Variants in MCTP1 observed in about 807,000 individuals in gnomAD.
MCTP1 encodes multiple C2 and transmembrane domain containing 1, also known as multiple C2 and transmembrane domain-containing protein 1.
MCTP1 carries 69 observed loss-of-function variants against 120.6 expected under a neutral mutation model. The observed-to-expected ratio is 0.57, with a 90% CI of 0.47 to 0.70. The LOEUF (loss-of-function observed/expected upper bound fraction) is 0.70. MCTP1 is among the 30% of genes least tolerant of loss of function. The probability of loss-of-function intolerance (pLI) is 0.00; values close to 1 mark genes in which losing one functional copy is unlikely to be tolerated. For synonymous variants in MCTP1, 529 were observed against 493.1 expected, an observed-to-expected ratio of 1.07 and a Z score of -0.96; for missense variants, 1,203 against 1,248.8, an observed-to-expected ratio of 0.96 and a Z score of 0.55.
At chr5:95,257,442 T>C (rs941199357) in intron 1 of MCTP1, among the ~76,000 whole-genome samples, 4 of 152,186 alleles carry the variant, frequency 2.6e-5, no homozygotes, top group African/African-American at 7.2e-5. Context: ...AAAACTATTT[T>C]TAAAAAATCC....
Position 95,112,956 on chromosome 5 carries a change from G to A in MCTP1, c.721-95472C>T, listed in dbSNP as rs915513109. 2.6e-5 allele frequency among the ~76,000 whole-genome samples: 4 copies of A among 152,144 alleles called. No homozygotes were observed. In the East Asian group the frequency reaches 5.8e-4, roughly 22 times the overall value. On this transcript the variant is annotated intron_variant, in intron 1 of 22. Coordinates refer to ENST00000515393, the MANE Select transcript of MCTP1 (RefSeq NM_024717.7). ...CTTTTAAAAGTATAAAGCATATTCCGACTTTTAGTAATTTACATTGACTAT... is the reference window on the plus strand; with the variant it reads ...CTTTTAAAAGTATAAAGCATATTCCAACTTTTAGTAATTTACATTGACTAT...
chr5:95,095,146 C>T (rs1288613640), intron 1 of MCTP1, among the ~76,000 whole-genome samples: 1 of 149,302 alleles, frequency 6.7e-6, no homozygotes, highest in African/African-American at 2.5e-5. Flanking sequence ...GCCTCAGCCT[C>T]CCGAGTAGCT....
intron 1 of MCTP1, among the ~76,000 whole-genome samples, chr5:95,127,799 G>T (rs1188141528): frequency 1.3e-5 from 2 of 152,164 alleles, no homozygotes; most frequent in African/African-American, 4.8e-5. Flanking sequence ...AAATAACCCA[G>T]ACTGGGCCTA....
chr5:94,867,218 T>G, intron 17 of MCTP1: 1 of 1,403,124 alleles, frequency 7.1e-7, no homozygotes, highest in Non-Finnish European at 9.3e-7. Flanking sequence ...GAGAGAGAGA[T>G]TTTTTTTCTA....
At chr5:95,036,068 T>C (rs1235734828) in intron 1 of MCTP1, among the ~76,000 whole-genome samples, 1 of 152,062 alleles carries the variant, frequency 6.6e-6, no homozygotes, top group Admixed American at 6.6e-5. Context: ...ACATACTGTT[T>C]CTCCCCAAAG....
intron 19 of MCTP1, among the ~76,000 whole-genome samples, chr5:94,719,419 C>T (rs1251842688): frequency 6.6e-6 from 1 of 152,132 alleles, no homozygotes; most frequent in Non-Finnish European, 1.5e-5. Flanking sequence ...AAATGACCAA[C>T]AATGCATAAG....
intron 1 of MCTP1, among the ~76,000 whole-genome samples, chr5:95,190,286 T>G (rs188869671): frequency 1.3e-5 from 2 of 152,184 alleles, no homozygotes; most frequent in East Asian, 3.9e-4. Context: ...AAGCCAATTC[T>G]TGGAAAGTGC....
chr5:94,966,923 T>C (rs1303021175), intron 2 of MCTP1, among the ~76,000 whole-genome samples: 1 of 152,218 alleles, frequency 6.6e-6, no homozygotes, highest in Non-Finnish European at 1.5e-5. Flanking sequence ...AAAGTGTTGT[T>C]ACAATGATCT....
chr5:94,715,666 C>T (rs1042475459), intron 19 of MCTP1, among the ~76,000 whole-genome samples: 6 of 152,110 alleles, frequency 3.9e-5, no homozygotes, highest in African/African-American at 1.2e-4. Context: ...GAGAAATGTG[C>T]ATATTTTGCA....
intron 1 of MCTP1, among the ~76,000 whole-genome samples, chr5:95,126,072 TG>T (rs921564614): frequency 2.5e-4 from 38 of 152,340 alleles, no homozygotes; most frequent in African/African-American, 8.7e-4. Flanking sequence ...ATTGGTTTTT[TG>T]TTTTGCTTTA....
intron 1 of MCTP1, among the ~76,000 whole-genome samples, chr5:95,168,057 T>C (rs1292968182): frequency 1.3e-5 from 2 of 152,220 alleles, no homozygotes; most frequent in Non-Finnish European, 2.9e-5. Context: ...TAATCCATCT[T>C]GAATTAATTT....
At chr5:95,134,145 T>C (rs1171735145) in intron 1 of MCTP1, among the ~76,000 whole-genome samples, 1 of 152,206 alleles carries the variant, frequency 6.6e-6, no homozygotes, top group Non-Finnish European at 1.5e-5. Context: ...ATAGGTGAGA[T>C]TGGAAACAAT....
intron 1 of MCTP1, among the ~76,000 whole-genome samples, chr5:95,033,513 C>T (rs1840672275): frequency 6.6e-6 from 1 of 151,932 alleles, no homozygotes; most frequent in African/African-American, 2.4e-5. Context: ...AAAAGCACGT[C>T]ATAAAATCCA....
At chr5:95,193,851 T>C (rs1379931596) in intron 1 of MCTP1, among the ~76,000 whole-genome samples, 1 of 152,174 alleles carries the variant, frequency 6.6e-6, no homozygotes, top group Non-Finnish European at 1.5e-5. Context: ...ATGTAATTCC[T>C]ACAAGAACCC....
chr5:94,893,261 T>TA (rs1181102344), intron 11 of MCTP1, among the ~76,000 whole-genome samples: 3 of 152,220 alleles, frequency 2.0e-5, no homozygotes, highest in African/African-American at 7.2e-5. Context: ...TCCCTTAATA[T>TA]ACGGGATAAT....
intron 9 of MCTP1, among the ~76,000 whole-genome samples, chr5:94,909,720 G>T (rs1807941710): frequency 6.6e-6 from 1 of 151,986 alleles, no homozygotes; most frequent in Non-Finnish European, 1.5e-5. Flanking sequence ...CATAATCATA[G>T]TTAATGCATT....
In MCTP1 at chr5:95,005,243, T is replaced by C. The variant is rs147000151; in HGVS notation, c.838+12124A>G. On this transcript the variant is annotated intron_variant, in intron 2 of 22. Coordinates refer to ENST00000515393, the MANE Select transcript of MCTP1 (RefSeq NM_024717.7). ...TTACCCAATGTCTGTAAACTCATTG[T>C]ATCTTGGAAGTAACTAACTTGTTTT... Among the ~76,000 whole-genome samples, 11 of 152,342 alleles carry C rather than the reference T, an allele frequency of 7.2e-5. No homozygotes were observed. The East Asian group carries it at 1.9e-3, about 27-fold the overall frequency.
chr5:94,808,025 C>T (rs752167934), intron 17 of MCTP1, among the ~76,000 whole-genome samples: 4 of 152,122 alleles, frequency 2.6e-5, no homozygotes, highest in Non-Finnish European at 5.9e-5. Context: ...CTAGATTCTC[C>T]TACTAATGTT....
rs1758963450 is a variant in MCTP1 at position 95,130,484 on chromosome 5, G to T, written c.721-113000C>A. Among the ~76,000 whole-genome samples the T allele has an allele frequency of 2.0e-5, 3 of 152,210 alleles. No homozygotes were observed. In the South Asian group the frequency reaches 6.2e-4, roughly 32 times the overall value. Reference sequence around the variant, plus strand: ...TATTTTGATAGCTAACAACCAATAAGATATGGATTCCAGACCCAGCTTATT... The same window carrying T: ...TATTTTGATAGCTAACAACCAATAATATATGGATTCCAGACCCAGCTTATT... On this transcript the variant is annotated intron_variant, in intron 1 of 22. Coordinates refer to ENST00000515393, the MANE Select transcript of MCTP1 (RefSeq NM_024717.7).
Sources: allele counts gnomAD v4.1 joint callset (sites outside exome capture counted in the v4.1 genomes callset), GRCh38; gene constraint gnomAD v4.1.1; transcripts MANE v1.5; gene names NCBI Gene and HGNC (gene_info 2026-07-23, HGNC 2026-07-21).